Variants in NCAM1 observed in about 807,000 individuals in gnomAD.
The protein encoded by NCAM1 is antigen recognized by monoclonal antibody 5.1H11.
Under a neutral mutation model 109.8 loss-of-function variants are expected in NCAM1, and 14 were observed. That is an observed-to-expected ratio of 0.13 (90% confidence interval 0.08 to 0.20). The LOEUF (loss-of-function observed/expected upper bound fraction) is 0.20, where lower values mean the gene tolerates loss of function less well. Among genes scored for constraint, NCAM1 ranks in the 10% least tolerant of loss-of-function variants. The probability of loss-of-function intolerance (pLI) is 1.00; values close to 1 mark genes in which losing one functional copy is unlikely to be tolerated. For synonymous variants in NCAM1, 418 were observed against 442.9 expected (o/e 0.94, Z 0.70); for missense variants, 774 against 1,109.9 (o/e 0.70, Z 4.30).
chr11:113,143,413 G>A (rs1298660836), intron 1 of NCAM1, among the ~76,000 whole-genome samples: 4 of 152,086 alleles, frequency 2.6e-5, no homozygotes, highest in African/African-American at 7.2e-5. Flanking sequence ...AGTAAATGGC[G>A]CCGGATATGT....
chr11:113,098,459 A>T (rs1376276447), intron 1 of NCAM1, among the ~76,000 whole-genome samples: 4 of 151,420 alleles, frequency 2.6e-5, no homozygotes, highest in Non-Finnish European at 4.4e-5. Flanking sequence ...TTGTATTATT[A>T]TTATTTTTTC....
chr11:113,112,251 T>A (rs1940478121), intron 1 of NCAM1, among the ~76,000 whole-genome samples: 1 of 152,240 alleles, frequency 6.6e-6, no homozygotes. Flanking sequence ...AACAAACTTC[T>A]CTTTCTTATG....
chr11:113,133,894 T>A (rs1941501146), intron 1 of NCAM1: 1 of 152,164 alleles, frequency 6.6e-6, no homozygotes, highest in Non-Finnish European at 1.5e-5. Flanking sequence ...GCCATTTAGG[T>A]TCTTTGCCAA....
chr11:113,222,238 C>T (rs1440175649), intron 9 of NCAM1, among the ~76,000 whole-genome samples: 2 of 152,208 alleles, frequency 1.3e-5, no homozygotes, highest in Non-Finnish European at 2.9e-5. Flanking sequence ...AAATGCAGAA[C>T]ATCATGATCC....
chr11:113,201,209 C>T (rs957110732), intron 1 of NCAM1, among the ~76,000 whole-genome samples: 4 of 152,156 alleles, frequency 2.6e-5, no homozygotes, highest in South Asian at 2.1e-4. Flanking sequence ...TCCCTGCAGT[C>T]GGCTGAGGAC....
intron 1 of NCAM1, among the ~76,000 whole-genome samples, chr11:113,128,906 G>GGT (rs782123739): frequency 0.041 from 3,465 of 84,834 alleles, 86 homozygotes; most frequent in African/African-American, 0.086. Flanking sequence ...AAGTTGTGAG[G>GGT]GTGTGTGTGT....
chr11:113,051,143 C>CATGTGTGAAATA (rs1555081742), intron 1 of NCAM1, among the ~76,000 whole-genome samples: 1 of 152,144 alleles, frequency 6.6e-6, no homozygotes, highest in Non-Finnish European at 1.5e-5. Context: ...ATTTGTGGTA[C>CATGTGTGAAATA]TTGTCAAATA....
At chr11:113,236,232 TA>T in intron 14 of NCAM1, 4 of 1,493,634 alleles carry the variant, frequency 2.7e-6, no homozygotes, top group Admixed American at 1.7e-5. Flanking sequence ...TTTTACATCT[TA>T]TTTTTTTTTT....
chr11:113,053,695 A>G (rs566978658), intron 1 of NCAM1, among the ~76,000 whole-genome samples: 1 of 152,348 alleles, frequency 6.6e-6, no homozygotes, highest in Admixed American at 6.5e-5. Context: ...AATAATGCTA[A>G]TGATCCAGAT....
intron 1 of NCAM1, among the ~76,000 whole-genome samples, chr11:113,119,668 G>T (rs1348615732): frequency 6.6e-6 from 1 of 152,120 alleles, no homozygotes; most frequent in African/African-American, 2.4e-5. Context: ...GAGTTGTCTG[G>T]TTGGCATTTC....
intron 1 of NCAM1, among the ~76,000 whole-genome samples, chr11:113,150,753 T>A (rs1281041725): frequency 1.3e-5 from 2 of 152,280 alleles, no homozygotes; most frequent in East Asian, 3.9e-4. Context: ...GAGCATGCTC[T>A]GGAAACTGAA....
intron 9 of NCAM1, among the ~76,000 whole-genome samples, chr11:113,224,798 C>T (rs1555115914): frequency 6.6e-6 from 1 of 152,220 alleles, no homozygotes; most frequent in African/African-American, 2.4e-5. Flanking sequence ...TCTGCAGCCT[C>T]CGCTGCTGAT....
chr11:113,212,086 G>A (rs1944406271), intron 7 of NCAM1, among the ~76,000 whole-genome samples: 1 of 152,194 alleles, frequency 6.6e-6, no homozygotes, highest in African/African-American at 2.4e-5. Flanking sequence ...GGGTGACCCA[G>A]CATCTGTCCC....
At chr11:113,141,777 C>T (rs1392592000) in intron 1 of NCAM1, among the ~76,000 whole-genome samples, 1 of 152,146 alleles carries the variant, frequency 6.6e-6, no homozygotes, top group Non-Finnish European at 1.5e-5. Context: ...GCTATACTCA[C>T]CCTGCTTTAG....
intron 16 of NCAM1, among the ~76,000 whole-genome samples, chr11:113,256,410 G>A (rs1945835624): frequency 6.6e-6 from 1 of 152,184 alleles, no homozygotes; most frequent in Non-Finnish European, 1.5e-5. Context: ...CATTTTCTCT[G>A]CACAAGAACC....
At chr11:113,059,611 C>A (rs1453646006) in intron 1 of NCAM1, among the ~76,000 whole-genome samples, 1 of 152,134 alleles carries the variant, frequency 6.6e-6, no homozygotes, top group African/African-American at 2.4e-5. Flanking sequence ...TCTTACATGG[C>A]AGCTGGTTTC....
chr11:112,977,589 T>A (rs1158600368), intron 1 of NCAM1, among the ~76,000 whole-genome samples: 1 of 151,834 alleles, frequency 6.6e-6, no homozygotes, highest in Non-Finnish European at 1.5e-5. Context: ...TGGAAAAAAA[T>A]TAATACATTG....
At chr11:113,231,891 T>G in intron 10 of NCAM1, 96 bp downstream of exon 10, 1 of 1,490,486 alleles carries the variant, frequency 6.7e-7, no homozygotes, top group Non-Finnish European at 9.2e-7. Flanking sequence ...GTGCACCCTG[T>G]GTGTTCTGCT....
chr11:113,268,500 C>T lies in NCAM1; in HGVS notation c.2132-1688C>T, dbSNP rs535913944. Reference sequence around the variant, plus strand: ...GTCCCAAAGGGACTAAAAACATGTACGAGCTGCACCCAGGGGTCTCAGGAG... The same window carrying T: ...GTCCCAAAGGGACTAAAAACATGTATGAGCTGCACCCAGGGGTCTCAGGAG... On this transcript the variant is annotated intron_variant, in intron 17 of 19. Coordinates refer to ENST00000316851, the MANE Select transcript of NCAM1 (RefSeq NM_181351.5). Among the ~76,000 whole-genome samples, 7 of 152,298 alleles carry T rather than the reference C, an allele frequency of 4.6e-5. No homozygotes were observed. The South Asian group carries it at 8.3e-4, about 18-fold the overall frequency.
Sources: allele counts gnomAD v4.1 joint callset (sites outside exome capture counted in the v4.1 genomes callset), GRCh38; gene constraint gnomAD v4.1.1; transcripts MANE v1.5; gene names NCBI Gene and HGNC (gene_info 2026-07-23, HGNC 2026-07-21).